NOTCH2: variants seen among roughly 807,000 people sequenced by gnomAD.
NOTCH2 encodes the protein notch receptor 2.
NOTCH2 carries 29 observed loss-of-function variants against 235.8 expected under a neutral mutation model. The ratio of observed to expected loss-of-function variants is 0.12; its 90% CI spans 0.09 to 0.17. NOTCH2 has a LOEUF of 0.17. Ranked by LOEUF, NOTCH2 falls within the 10% of genes least tolerant of loss-of-function variation. The probability of loss-of-function intolerance (pLI) is 1.00; values close to 1 mark genes in which losing one functional copy is unlikely to be tolerated. For missense variants in NOTCH2, 2,285 were observed against 3,150.2 expected (o/e 0.73, Z 6.57); for synonymous variants, 1,086 against 1,141.5 (o/e 0.95, Z 0.98).
Position 119,923,972 on chromosome 1 carries a change from G to A in NOTCH2, c.4524C>T (p.Tyr1508=), listed in dbSNP as rs1050023212. The A allele has an allele frequency of 1.2e-6, 2 of 1,613,770 alleles. No homozygotes were observed. The highest frequency in any genetic ancestry group is 1.7e-6 in the Non-Finnish European group (2 of 1,179,632). Residue 1508 remains tyrosine, a synonymous_variant, in exon 26 of 34, where the codon TAC becomes TAT. Coordinates refer to ENST00000256646, the MANE Select transcript of NOTCH2 (RefSeq NM_024408.4). ...GNSKTCKYDK[Y]CADHFKDNHC... Reference sequence around the variant, plus strand: ...GGTTGTCTTTGAAGTGGTCTGCACAGTATTTGTCATACCTAGGTAAGGGGA... The same window carrying A: ...GGTTGTCTTTGAAGTGGTCTGCACAATATTTGTCATACCTAGGTAAGGGGA...
intron 14 of NOTCH2, among the ~76,000 whole-genome samples, chr1:119,953,323 A>C (rs1238312551): frequency 1.3e-5 from 2 of 152,068 alleles, no homozygotes; most frequent in African/African-American, 4.8e-5. Flanking sequence ...CAAAAAAAAA[A>C]AAAATTACTA....
In NOTCH2 at chr1:119,915,736, G is replaced by A. The variant is rs2101142328; in HGVS notation, c.6986C>T (p.Pro2329Leu). 6 of 1,608,180 alleles carry A rather than the reference G, an allele frequency of 3.7e-6. No homozygotes were observed. Among genetic ancestry groups the A allele is most frequent in the Non-Finnish European group, 5.1e-6 (6 of 1,176,080 alleles). The change falls in exon 34 of 34, where the codon CCT becomes CTT. Residue 2329 changes from proline to leucine, a missense_variant. By Grantham distance (98) the Pro-to-Leu change is moderately conservative. Around this residue, in one of 6 missense-constraint regions of NOTCH2, gnomAD observed 504 missense variants for 538.0 expected, o/e 0.94. Coordinates refer to ENST00000256646, the MANE Select transcript of NOTCH2 (RefSeq NM_024408.4). ...GGGCAGGGGGCCCGCAACAGCTGGA[G>A]GGCAGGTGGACTGAGGCTGGGGAGC... ...AGAPQPQSTC[P>L]PAVAGPLPTM...
intron 3 of NOTCH2, among the ~76,000 whole-genome samples, chr1:120,001,243 G>T (rs587702783): frequency 8.5e-5 from 13 of 152,142 alleles, no homozygotes; most frequent in South Asian, 8.3e-4. Flanking sequence ...ACAGTAAATT[G>T]GTACCAAGAG....
At chr1:119,949,457 G>A (rs782646200) in intron 15 of NOTCH2, among the ~76,000 whole-genome samples, 10 of 150,068 alleles carry the variant, frequency 6.7e-5, no homozygotes, top group Non-Finnish European at 1.5e-4. Context: ...TGCGATCTCG[G>A]CTCACTGCAA....
chr1:119,921,916 G>A (rs1270171648), intron 28 of NOTCH2, 107 bp from the exon 29 acceptor site: 31 of 983,690 alleles, frequency 3.2e-5, no homozygotes, highest in Non-Finnish European at 4.6e-5. Context: ...TTACAATTTT[G>A]CAGGGTCTTG....
Position 120,039,440 on chromosome 1 carries a change from G to A in NOTCH2, c.74-9453C>T, listed in dbSNP as rs376752050. On this transcript the variant is annotated intron_variant, in intron 1 of 33. Transcript: ENST00000256646. Reference sequence around the variant, plus strand: ...TTTTTTTTTTTTGAGATGGAGTCTCGCTCTGTCGCCCAGGCTGGAGTGCAG... The same window carrying A: ...TTTTTTTTTTTTGAGATGGAGTCTCACTCTGTCGCCCAGGCTGGAGTGCAG... Among the ~76,000 whole-genome samples, 705 of 138,746 alleles carry A rather than the reference G, an allele frequency of 5.1e-3. No individual in the cohort carries two copies. The East Asian group carries it at 0.068, about 13-fold the overall frequency. The allele number at this position is 138,746 out of a possible 152,430, so 91.0% of individuals were successfully genotyped here.
At position 119,914,808 on chromosome 1, in the gene NOTCH2, ACAAT is replaced by A. The variant is rs1649007541; in HGVS notation, c.*494_*497del. On this transcript the variant is annotated 3_prime_UTR_variant, in exon 34 of 34. Transcript: ENST00000256646. ...TGCCCTATAACATGCTGGTAGGGCTACAATCACGGAGAGGTGCAAAACCAAAAGC... is the reference window on the plus strand; with the variant it reads ...TGCCCTATAACATGCTGGTAGGGCTACACGGAGAGGTGCAAAACCAAAAGC... 1 of 296,672 alleles carries A rather than the reference ACAAT, an allele frequency of 3.4e-6. No individual in the cohort carries two copies. The highest frequency in any genetic ancestry group is 6.4e-6 in the Non-Finnish European group (1 of 156,988). The allele number at this position is 296,672 out of a possible 1,614,324, so 18.4% of individuals were successfully genotyped here.
chr1:120,027,788 C>A (rs1393169402), intron 2 of NOTCH2, among the ~76,000 whole-genome samples: 2 of 150,534 alleles, frequency 1.3e-5, no homozygotes, highest in Admixed American at 1.3e-4. Flanking sequence ...CATCCATGTC[C>A]CTGCAAAGGA....
At chr1:119,985,882 C>G (rs1367454485) in intron 5 of NOTCH2, among the ~76,000 whole-genome samples, 1 of 152,104 alleles carries the variant, frequency 6.6e-6, no homozygotes, top group African/African-American at 2.4e-5. Flanking sequence ...GGAGAAGTCC[C>G]AATTCTAGGA....
rs782191722 is a variant in NOTCH2 at position 119,940,692 on chromosome 1, C to T, written c.3046G>A (p.Gly1016Ser). 10 of 1,614,120 alleles carry T rather than the reference C, an allele frequency of 6.2e-6. No individual in the cohort carries two copies. In the East Asian group the frequency reaches 6.7e-5, roughly 11 times the overall value. The part of the protein sequence containing the change: ...INSFSCLCPV[G>S]FTGSFCLHEI... ...TGGAGGCAGAAGGATCCAGTGAAAC[C>T]CACAGGGCACAAGCAAGAGAAGGAG... Residue 1016 changes from glycine to serine, a missense_variant, in exon 19 of 34, where the codon GGT becomes AGT. By Grantham distance (56) the Gly-to-Ser change is moderately conservative. Transcript: ENST00000256646.
chr1:119,914,131 A>C lies in NOTCH2; in HGVS notation c.*1175T>G, dbSNP rs1011347038. The C allele has an allele frequency of 4.7e-5, 11 of 233,284 alleles. No homozygotes were observed. The highest frequency in any genetic ancestry group is 8.5e-5 in the Non-Finnish European group (10 of 118,048). The allele number at this position is 233,284 out of a possible 1,614,324, so 14.5% of individuals were successfully genotyped here. A position where few individuals can be genotyped will look rare whatever the true frequency, so the allele number is the denominator to read the frequency against. ...CAGTCCTAAATGGCAAGGGTACAAC[A>C]TTTGAGACAGTGTCTTCTGTGGATA... On this transcript the variant is annotated 3_prime_UTR_variant, in exon 34 of 34. Coordinates refer to ENST00000256646, the MANE Select transcript of NOTCH2 (RefSeq NM_024408.4).
At chr1:120,033,409 T>TTAAAAA (rs1654173353) in intron 1 of NOTCH2, among the ~76,000 whole-genome samples, 1 of 22,778 alleles carries the variant, frequency 4.4e-5, no homozygotes, top group Non-Finnish European at 6.3e-5. Flanking sequence ...AGACTCCATC[T>TTAAAAA]CAAAAAAAAA....
intron 16 of NOTCH2, 80 bp from the exon 17 acceptor site, chr1:119,948,646 T>A: frequency 6.6e-7 from 1 of 1,504,760 alleles, no homozygotes. Context: ...TGAGCTTAGT[T>A]GGGGTGCATG....
At chr1:119,999,976 A>AAAGAAAGG (rs1270244149) in intron 3 of NOTCH2, among the ~76,000 whole-genome samples, 594 of 56,254 alleles carry the variant, frequency 0.011, 4 homozygotes, top group Non-Finnish European at 0.015. Flanking sequence ...AGAAAGAAAG[A>AAAGAAAGG]AAGGAAGGAA....
chr1:119,952,742 G>T (rs1408421025), intron 14 of NOTCH2, among the ~76,000 whole-genome samples: 1 of 152,168 alleles, frequency 6.6e-6, no homozygotes, highest in Non-Finnish European at 1.5e-5. Context: ...CACAGGTACT[G>T]GTCTGTAGCC....
At chr1:119,973,366 A>G (rs1553200585) in intron 5 of NOTCH2, among the ~76,000 whole-genome samples, 1 of 151,864 alleles carries the variant, frequency 6.6e-6, no homozygotes, top group Non-Finnish European at 1.5e-5. Flanking sequence ...TGATATAACA[A>G]CTCCCTTCAC....
chr1:119,932,246 A>C (rs1438932688), intron 22 of NOTCH2, among the ~76,000 whole-genome samples: 1 of 152,138 alleles, frequency 6.6e-6, no homozygotes, highest in African/African-American at 2.4e-5. Context: ...GGCACTGGTT[A>C]AAATATGGTA....
chr1:119,925,477 C>T lies in NOTCH2; in HGVS notation c.4339G>A (p.Ala1447Thr), dbSNP rs757093466. 2 of 1,614,206 alleles carry T rather than the reference C, an allele frequency of 1.2e-6. No homozygotes were observed. Among genetic ancestry groups the T allele is most frequent in the Non-Finnish European group, 1.7e-6 (2 of 1,180,042 alleles). ...GVCDEACNSH[A>T]CQWDGGDCSL... ...CAGTCACCCCCATCCCACTGGCAGG[C>T]ATGGCTGTTGCAGGCCTCATCACAG... The change falls in exon 25 of 34, where the codon GCC becomes ACC. Residue 1447 changes from alanine to threonine, a missense_variant. By Grantham distance (58) the Ala-to-Thr change is moderately conservative. Coordinates refer to ENST00000256646, the MANE Select transcript of NOTCH2 (RefSeq NM_024408.4).
chr1:119,945,004 GA>G (rs587736349), intron 17 of NOTCH2, among the ~76,000 whole-genome samples: 2 of 151,990 alleles, frequency 1.3e-5, no homozygotes, highest in South Asian at 2.1e-4. Flanking sequence ...CAAATATCTT[GA>G]AAAAAATTGA....
Sources: gnomAD v4.1 joint callset for allele counts (sites outside exome capture counted in the v4.1 genomes callset) on GRCh38, gnomAD v4.1.1 for gene constraint, gnomAD v4.1.1 regional missense constraint, MANE v1.5 for transcripts, NCBI Gene and HGNC (gene_info 2026-07-23, HGNC 2026-07-21) for gene names.